Variants in TET2 observed in about 807,000 individuals in gnomAD.
The protein encoded by TET2 is methylcytosine dioxygenase TET2.
In TET2, 299 loss-of-function variants were observed where a neutral mutation model predicts 142.9. That is an observed-to-expected ratio of 2.09 (90% CI 1.90 to 2.30). The LOEUF is 2.30. TET2 is among the 30% of genes most tolerant of loss of function. The probability of loss-of-function intolerance (pLI) is 0.00; values close to 1 mark genes in which losing one functional copy is unlikely to be tolerated. For missense variants in TET2, 2,418 were observed against 2,378.0 expected (o/e 1.02, Z -0.35); for synonymous variants, 819 against 849.0 (o/e 0.96, Z 0.61).
intron 2 of TET2, among the ~76,000 whole-genome samples, chr4:105,192,158 G>A (rs1278378913): frequency 6.6e-6 from 1 of 151,650 alleles, no homozygotes; most frequent in Non-Finnish European, 1.5e-5. Flanking sequence ...TTAAGCCTGG[G>A]TAAGGAATAA....
intron 2 of TET2, among the ~76,000 whole-genome samples, chr4:105,220,542 C>T (rs893016796): frequency 6.6e-6 from 1 of 152,248 alleles, no homozygotes; most frequent in Admixed American, 6.5e-5. Context: ...TACCTCCCCT[C>T]CCCCTCTACC....
At chr4:105,257,271 A>G (rs935866161) in intron 6 of TET2, among the ~76,000 whole-genome samples, 1 of 152,180 alleles carries the variant, frequency 6.6e-6, no homozygotes, top group Admixed American at 6.5e-5. Flanking sequence ...CTGTCTCTAC[A>G]AAAATAAAAA....
At position 105,237,059 on chromosome 4, in the gene TET2, G is replaced by A. The variant is rs3796927; in HGVS notation, c.3117G>A (p.Ser1039=). Reference sequence around the variant, plus strand: ...ATCTGAAGCAGTTTCACGCCAAGTCGTTATTTGACCATAAGGCTCTTACTC... The same window carrying A: ...ATCTGAAGCAGTTTCACGCCAAGTCATTATTTGACCATAAGGCTCTTACTC... ...EQHLKQFHAK[S]LFDHKALTLK... is the part of the protein sequence containing the mutation. The change falls in exon 3 of 11, where the codon TCG becomes TCA. Residue 1039 remains serine (S), a synonymous_variant. Coordinates refer to ENST00000380013, the MANE Select transcript of TET2 (RefSeq NM_001127208.3). 0.02 allele frequency: 33,028 copies of A among 1,613,974 alleles called. 3,305 individuals are homozygous for A. In the African/African-American group the frequency reaches 0.28, roughly 14 times the overall value.
chr4:105,271,845 TCCCTCCAC>T (rs953424659), intron 9 of TET2, among the ~76,000 whole-genome samples: 5 of 152,188 alleles, frequency 3.3e-5, no homozygotes, highest in African/African-American at 1.2e-4. Flanking sequence ...GTAGCTTTCC[TCCCTCCAC>T]CCCTTACCCT....
chr4:105,236,851 C>G lies in TET2; in HGVS notation c.2909C>G (p.Thr970Ser). The change falls in exon 3 of 11, where the codon ACT becomes AGT. Residue 970 changes from threonine to serine, a missense_variant. By Grantham distance (58) the Thr-to-Ser change is moderately conservative. Transcript: ENST00000380013. ...QEQQQTQQPQ[T>S]ESCHSQMHRP... is the part of the protein sequence containing the mutation. ...CAGCAGCAAACACAGCAACCCCAAA[C>G]TGAGTCTTGCCATAGTCAGATGCAC... The G allele has an allele frequency of 6.2e-7, 1 of 1,614,152 alleles. No homozygotes were observed.
intron 8 of TET2, 132 bp downstream of exon 8, chr4:105,261,980 G>A (rs1248296565): frequency 4.9e-6 from 3 of 617,996 alleles, no homozygotes; most frequent in Non-Finnish European, 8.5e-6. Flanking sequence ...TGAAACCACT[G>A]CAGTGTTCAG....
At chr4:105,165,665 A>G (rs1044370776) in intron 1 of TET2, among the ~76,000 whole-genome samples, 1 of 152,232 alleles carries the variant, frequency 6.6e-6, no homozygotes, top group Non-Finnish European at 1.5e-5. Context: ...AATAACACTT[A>G]CTGATGATTA....
intron 1 of TET2, among the ~76,000 whole-genome samples, chr4:105,149,484 G>A (rs1286089200): frequency 2.6e-5 from 4 of 152,148 alleles, no homozygotes; most frequent in Admixed American, 2.6e-4. Flanking sequence ...ATTTTAATAA[G>A]TATGGGGTAG....
intron 2 of TET2, among the ~76,000 whole-genome samples, chr4:105,224,869 A>T (rs572893069): frequency 6.6e-6 from 1 of 152,120 alleles, no homozygotes; most frequent in Non-Finnish European, 1.5e-5. Flanking sequence ...GGTGGTATTT[A>T]TAGTAAATAG....
intron 1 of TET2, among the ~76,000 whole-genome samples, chr4:105,173,061 A>G (rs1724565876): frequency 6.6e-6 from 1 of 152,194 alleles, no homozygotes; most frequent in Admixed American, 6.5e-5. Flanking sequence ...ATGAAAAAGT[A>G]TTTGCTTCTC....
chr4:105,153,770 T>C (rs1415833982), intron 1 of TET2, among the ~76,000 whole-genome samples: 3 of 152,234 alleles, frequency 2.0e-5, no homozygotes, highest in African/African-American at 7.2e-5. Flanking sequence ...CATTGATAGC[T>C]GTAAAAGTGT....
chr4:105,260,463 A>T (rs889053825), intron 7 of TET2, among the ~76,000 whole-genome samples: 1 of 142,948 alleles, frequency 7.0e-6, no homozygotes. Context: ...ATCCTAAAGT[A>T]AAAAAAAAAC....
intron 2 of TET2, among the ~76,000 whole-genome samples, chr4:105,192,513 A>C (rs1239993313): frequency 6.6e-6 from 1 of 152,198 alleles, no homozygotes; most frequent in Non-Finnish European, 1.5e-5. Flanking sequence ...CATTACCTGT[A>C]CATTGCCCAA....
chr4:105,162,853 A>G (rs1312268315), intron 1 of TET2, among the ~76,000 whole-genome samples: 1 of 152,238 alleles, frequency 6.6e-6, no homozygotes, highest in Admixed American at 6.5e-5. Flanking sequence ...TGAAGAGCCT[A>G]TATCTGCAAT....
At chr4:105,231,908 G>C (rs567323984) in intron 2 of TET2, among the ~76,000 whole-genome samples, 3 of 152,134 alleles carry the variant, frequency 2.0e-5, no homozygotes, top group Non-Finnish European at 2.9e-5. Context: ...TCAGATTCAA[G>C]GGTACAAGTG....
intron 1 of TET2, among the ~76,000 whole-genome samples, chr4:105,174,695 C>T (rs937081564): frequency 2.0e-5 from 3 of 152,138 alleles, no homozygotes; most frequent in Non-Finnish European, 4.4e-5. Flanking sequence ...GACTCACTTA[C>T]GGAAGGGCCT....
At chr4:105,193,772 G>T (rs1262070770) in intron 2 of TET2, among the ~76,000 whole-genome samples, 1 of 152,162 alleles carries the variant, frequency 6.6e-6, no homozygotes, top group Non-Finnish European at 1.5e-5. Context: ...AGTCAGTTAA[G>T]ACAATCAGAT....
chr4:105,214,172 G>A (rs75584855), intron 2 of TET2, among the ~76,000 whole-genome samples: 4,920 of 152,108 alleles, frequency 0.032, 194 homozygotes, highest in African/African-American at 0.09. Context: ...TTTGTCCATG[G>A]TTTCTGGTTC....
chr4:105,149,362 C>G (rs1290522802), intron 1 of TET2, among the ~76,000 whole-genome samples: 1 of 152,050 alleles, frequency 6.6e-6, no homozygotes, highest in African/African-American at 2.4e-5. Flanking sequence ...TTTGTGCATC[C>G]TACTTTTATA....
Sources: gnomAD v4.1 joint callset for allele counts (sites outside exome capture counted in the v4.1 genomes callset) on GRCh38, gnomAD v4.1.1 for gene constraint, MANE v1.5 for transcripts, NCBI Gene and HGNC (gene_info 2026-07-23, HGNC 2026-07-21) for gene names.